The following GPC5 variants were observed in gnomAD, a reference collection of about 807,000 sequenced individuals.
GPC5 encodes glypican-5.
Under a neutral mutation model 53.9 loss-of-function variants are expected in GPC5, and 47 were observed. The ratio of observed to expected loss-of-function variants is 0.87; its 90% CI spans 0.69 to 1.11. The LOEUF is 1.11. Ranked by LOEUF, GPC5 falls within the 50% of genes most tolerant of loss-of-function variation. The probability of loss-of-function intolerance (pLI) is 0.00; values close to 1 mark genes in which losing one functional copy is unlikely to be tolerated. For missense variants in GPC5, 748 were observed against 713.1 expected (o/e 1.05, Z -0.56); for synonymous variants, 286 against 263.3 (o/e 1.09, Z -0.84).
chr13:92,111,895 T>C (rs1426510580), intron 6 of GPC5, among the ~76,000 whole-genome samples: 2 of 152,212 alleles, frequency 1.3e-5, no homozygotes, highest in Non-Finnish European at 2.9e-5. Flanking sequence ...GATAAAAGTT[T>C]ATATGAATGC....
intron 7 of GPC5, among the ~76,000 whole-genome samples, chr13:92,525,491 A>G (rs979431653): frequency 7.5e-6 from 1 of 134,072 alleles, no homozygotes; most frequent in Non-Finnish European, 1.7e-5. Flanking sequence ...AAACAACCAG[A>G]AAAGCTTAGA....
At chr13:91,859,094 C>A (rs1215362858) in intron 5 of GPC5, among the ~76,000 whole-genome samples, 1 of 148,638 alleles carries the variant, frequency 6.7e-6, no homozygotes, top group South Asian at 2.1e-4. Flanking sequence ...TTTTAAAAAA[C>A]AAACTTTTCA....
chr13:92,164,012 G>A (rs2042009567), intron 7 of GPC5, among the ~76,000 whole-genome samples: 1 of 152,070 alleles, frequency 6.6e-6, no homozygotes, highest in Admixed American at 6.6e-5. Context: ...GATCTCAAGA[G>A]AACTCAATCA....
chr13:91,924,745 A>C (rs755757647), intron 6 of GPC5, among the ~76,000 whole-genome samples: 1 of 152,104 alleles, frequency 6.6e-6, no homozygotes, highest in Non-Finnish European at 1.5e-5. Flanking sequence ...TGTATCAAAA[A>C]TAATAATCAT....
chr13:91,875,818 A>C (rs1386534293), intron 5 of GPC5, among the ~76,000 whole-genome samples: 1 of 152,358 alleles, frequency 6.6e-6, no homozygotes, highest in East Asian at 1.9e-4. Context: ...AATATTTTAC[A>C]TAGCTACAGT....
At chr13:92,694,491 C>G (rs962828290) in intron 7 of GPC5, among the ~76,000 whole-genome samples, 6 of 152,194 alleles carry the variant, frequency 3.9e-5, no homozygotes, top group Non-Finnish European at 8.8e-5. Context: ...GACATAGACT[C>G]AAAGGAGATT....
At chr13:92,386,125 A>T (rs1416672958) in intron 7 of GPC5, among the ~76,000 whole-genome samples, 1 of 151,998 alleles carries the variant, frequency 6.6e-6, no homozygotes, top group Non-Finnish European at 1.5e-5. Flanking sequence ...ATATGAGGAA[A>T]GTTATGGTCC....
intron 2 of GPC5, among the ~76,000 whole-genome samples, chr13:91,567,941 C>T (rs1352061948): frequency 6.6e-6 from 1 of 152,078 alleles, no homozygotes; most frequent in East Asian, 1.9e-4. Context: ...ATAATGGGGG[C>T]AGTTTCTCCC....
rs1294025367 is a variant in GPC5, at chr13:91,448,938, A to T, written c.325+16A>T. ...GCTTTTCAAGGTAAGTGGATCTTGA[A>T]TTCTGCAACTAAGGACTGGCCGTGT... On this transcript the variant is annotated intron_variant, in intron 2 of 7. Transcript: ENST00000377067. 2 of 1,610,292 alleles carry T rather than the reference A, an allele frequency of 1.2e-6. No individual in the cohort carries two copies. Among genetic ancestry groups the T allele is most frequent in the South Asian group, 2.2e-5 (2 of 90,588 alleles).
intron 1 of GPC5, among the ~76,000 whole-genome samples, chr13:91,437,930 G>A (rs1880110668): frequency 6.6e-6 from 1 of 151,848 alleles, no homozygotes; most frequent in African/African-American, 2.4e-5. Context: ...TCCATCACTG[G>A]TACCTTTTCT....
At chr13:91,799,851 A>G (rs939589993) in intron 5 of GPC5, among the ~76,000 whole-genome samples, 1 of 152,180 alleles carries the variant, frequency 6.6e-6, no homozygotes, top group Admixed American at 6.5e-5. Flanking sequence ...AAACACAAAC[A>G]TGAATATTAT....
At chr13:92,149,069 AGG>A (rs374319202) in intron 7 of GPC5, among the ~76,000 whole-genome samples, 2,827 of 152,160 alleles carry the variant, frequency 0.019, 81 homozygotes, top group African/African-American at 0.062. Flanking sequence ...GTGGTAATCG[AGG>A]GAAAATGCAT....
intron 7 of GPC5, among the ~76,000 whole-genome samples, chr13:92,228,612 GATCTTGAA>G (rs2042506451): frequency 6.6e-6 from 1 of 152,112 alleles, no homozygotes; most frequent in African/African-American, 2.4e-5. Flanking sequence ...TAAGGAAGAT[GATCTTGAA>G]TTAGAAATCT....
intron 6 of GPC5, among the ~76,000 whole-genome samples, chr13:92,031,399 A>G (rs993339991): frequency 2.0e-5 from 3 of 151,954 alleles, no homozygotes; most frequent in Non-Finnish European, 4.4e-5. Flanking sequence ...GCACATACCC[A>G]GTAGTGGGAT....
rs892343204 is a variant in GPC5, at chr13:92,365,389, G to C, written c.1561+220400G>C. 1.4e-4 allele frequency among the ~76,000 whole-genome samples: 21 copies of C among 151,762 alleles called. 2 individuals carry two copies. Among genetic ancestry groups the C allele is most frequent in the African/African-American group, 5.1e-4 (21 of 41,024 alleles). The stretch of plus-strand genomic sequence containing the variant: ...ATGAATGGAGCTTGCAAGACTGACA[G>C]TTGCTCTGGGCAGGTTAATGAGTGA... On this transcript the variant is annotated intron_variant, in intron 7 of 7. Coordinates refer to ENST00000377067, the MANE Select transcript of GPC5 (RefSeq NM_004466.6).
chr13:91,913,493 A>G (rs1386427423), intron 6 of GPC5, among the ~76,000 whole-genome samples: 1 of 152,058 alleles, frequency 6.6e-6, no homozygotes, highest in Admixed American at 6.6e-5. Context: ...ATTTAGGACA[A>G]GCCCTATATT....
At chr13:92,395,905 CT>C (rs1360348460) in intron 7 of GPC5, among the ~76,000 whole-genome samples, 36 of 143,116 alleles carry the variant, frequency 2.5e-4, no homozygotes, top group African/African-American at 9.0e-4. Flanking sequence ...GTGTTTGTTT[CT>C]GTTTTTTTTT....
intron 7 of GPC5, among the ~76,000 whole-genome samples, chr13:92,797,330 C>A (rs938942582): frequency 6.6e-6 from 1 of 151,838 alleles, no homozygotes; most frequent in African/African-American, 2.4e-5. Flanking sequence ...TGAATTTATT[C>A]TCTGTTACTG....
chr13:92,767,408 T>G (rs1473655017), intron 7 of GPC5, among the ~76,000 whole-genome samples: 1 of 152,154 alleles, frequency 6.6e-6, no homozygotes, highest in African/African-American at 2.4e-5. Flanking sequence ...GAGGCAGAGG[T>G]TGCAGTGAGC....
Sources: gnomAD v4.1 joint callset for allele counts (sites outside exome capture counted in the v4.1 genomes callset) on GRCh38, gnomAD v4.1.1 for gene constraint, MANE v1.5 for transcripts, NCBI Gene and HGNC (gene_info 2026-07-23, HGNC 2026-07-21) for gene names.